Variants in LARP1 observed in about 807,000 individuals in gnomAD.
LARP1 encodes La ribonucleoprotein 1, translational regulator.
A neutral mutation model predicts 122.7 loss-of-function variants in LARP1; 36 were observed. The observed-to-expected ratio is 0.29, with a 90% confidence interval of 0.22 to 0.39. The LOEUF is 0.39. LARP1 is among the 10% of genes least tolerant of loss of function. The probability of loss-of-function intolerance (pLI) is 1.00; values close to 1 mark genes in which losing one functional copy is unlikely to be tolerated. For synonymous variants in LARP1, 539 were observed against 528.7 expected (o/e 1.02, Z -0.27); for missense variants, 1,040 against 1,403.6 (o/e 0.74, Z 4.14).
chr5:154,791,145 T>C (rs1010900803), intron 3 of LARP1, among the ~76,000 whole-genome samples: 1 of 149,604 alleles, frequency 6.7e-6, no homozygotes, highest in Non-Finnish European at 1.5e-5. Flanking sequence ...TTTTTTTTTT[T>C]TTTTTTTGAG....
In LARP1 at chr5:154,793,728, G is replaced by C. The variant is rs1482523133; in HGVS notation, c.868+5G>C. The C allele has an allele frequency of 2.5e-6, 4 of 1,614,044 alleles. No homozygotes were observed. The highest frequency in any genetic ancestry group is 3.4e-6 in the Non-Finnish European group (4 of 1,180,010). On this transcript the variant is annotated splice_donor_5th_base_variant and intron_variant, in intron 5 of 18. Coordinates refer to ENST00000518297, the MANE Select transcript of LARP1 (RefSeq NM_033551.3). The stretch of plus-strand genomic sequence containing the variant: ...CCAATCGCGGAGAGATCAAAGGTAT[G>C]CACTACCCACTATGGAGGGCCTGGA...
rs1643769842 is a variant in LARP1 at position 154,755,628 on chromosome 5, C to G, written c.-130C>G. On this transcript the variant is annotated 5_prime_UTR_variant, in exon 1 of 19. Transcript: ENST00000518297. ...AGGGGGCCGCACCTCGCGTGAACCC[C>G]GACCCTTCTCTGCAGGGACTGGGGC... 4.1e-6 allele frequency: 4 copies of G among 987,450 alleles called. No individual in the cohort carries two copies. The highest frequency in any genetic ancestry group is 4.8e-6 in the Non-Finnish European group (4 of 830,056). 61.2% of individuals were successfully genotyped at this position (987,450 alleles called of 1,614,324 possible).
chr5:154,781,576 AGAGT>A (rs558162304), intron 1 of LARP1, among the ~76,000 whole-genome samples: 104 of 152,160 alleles, frequency 6.8e-4, no homozygotes, highest in Admixed American at 9.8e-4. Context: ...CTGGGTGACA[AGAGT>A]GAGACTCCGT....
intron 13 of LARP1, 24 bp from the exon 14 acceptor site, chr5:154,804,177 C>G (rs1481248943): frequency 6.3e-7 from 1 of 1,587,358 alleles, no homozygotes; most frequent in Non-Finnish European, 8.7e-7. Context: ...CAAACAGTAA[C>G]AAACCCTGGG....
chr5:154,784,140 T>G (rs989870807), intron 1 of LARP1, among the ~76,000 whole-genome samples: 2 of 152,202 alleles, frequency 1.3e-5, no homozygotes, highest in African/African-American at 4.8e-5. Flanking sequence ...GAATTAGCAC[T>G]TGACAAGCAA....
At chr5:154,725,079 TA>T (rs1347826077) in intron 1 of LARP1, among the ~76,000 whole-genome samples, 1 of 151,834 alleles carries the variant, frequency 6.6e-6, no homozygotes, top group East Asian at 1.9e-4. Context: ...ACCTTGTCTC[TA>T]CAAAAAAACT....
chr5:154,729,334 T>G, intron 1 of LARP1: 1 of 225,318 alleles, frequency 4.4e-6, no homozygotes. Flanking sequence ...AGCTGTAAGA[T>G]GATATTGTAG....
In LARP1 at chr5:154,722,961, G is replaced by A. The variant is rs760272649; in HGVS notation, c.205+9831G>A. Among the ~76,000 whole-genome samples, 65 of 152,294 alleles carry A rather than the reference G, an allele frequency of 4.3e-4. 1 individual carries two copies. Among genetic ancestry groups the A allele is most frequent in the East Asian group, 7.7e-4 (4 of 5,188 alleles). ...CTCCCAGAGTGCTGGGATTACAGGC[G>A]TGAGCCAGCACACCCAGCCTCTTTC... is the stretch of plus-strand genomic sequence containing the variant. On this transcript the variant is annotated intron_variant, in intron 1 of 18. Coordinates refer to the LARP1 transcript ENST00000336314.
chr5:154,814,114 G>T lies in LARP1; in HGVS notation c.*18G>T. The T allele has an allele frequency of 6.2e-7, 1 of 1,613,254 alleles. No individual in the cohort carries two copies. The highest frequency in any genetic ancestry group is 8.5e-7 in the Non-Finnish European group (1 of 1,179,458). On this transcript the variant is annotated 3_prime_UTR_variant, in exon 19 of 19. Coordinates refer to ENST00000518297, the MANE Select transcript of LARP1 (RefSeq NM_033551.3). ...GAAAGTGAAAAGCTCCTTAGCCCTG[G>T]GGCTTGAGGGGGGAAAGGGGTAGGG...
rs553880236 is a variant in LARP1 at position 154,799,298 on chromosome 5, G to C, written c.1378-293G>C. Among the ~76,000 whole-genome samples, 25 of 152,262 alleles carry C rather than the reference G, an allele frequency of 1.6e-4. No individual in the cohort carries two copies. In the South Asian group the frequency reaches 5.2e-3, roughly 32 times the overall value. On this transcript the variant is annotated intron_variant, in intron 8 of 18. Coordinates refer to ENST00000518297, the MANE Select transcript of LARP1 (RefSeq NM_033551.3). ...TTTACTGTGAATGGCTTTTTGTCCA[G>C]ATATTATACATACTGCTCCCTGTTT...
At chr5:154,736,916 A>G (rs1416430368) in intron 1 of LARP1, among the ~76,000 whole-genome samples, 2 of 152,076 alleles carry the variant, frequency 1.3e-5, no homozygotes, top group East Asian at 3.9e-4. Context: ...TGGTGGCTGC[A>G]CCATTTTACA....
In LARP1 at chr5:154,719,878, AG is replaced by A. The variant is rs1209032872; in HGVS notation, c.205+6749del. ...CTCTGTCTCAAAAAAAAAAAAAAAA[AG>A]ATATAACTATGGTAATTTTAAAGTA... On this transcript the variant is annotated intron_variant, in intron 1 of 18. Coordinates refer to the LARP1 transcript ENST00000336314. 1.4e-3 allele frequency among the ~76,000 whole-genome samples: 188 copies of A among 134,332 alleles called. 3 individuals carry two copies. The East Asian group carries it at 0.035, about 25-fold the overall frequency. 88.1% of individuals were successfully genotyped at this position (134,332 alleles called of 152,430 possible). A position where few individuals can be genotyped will look rare whatever the true frequency, so the allele number is the denominator to read the frequency against.
chr5:154,772,747 G>T (rs188228611), intron 1 of LARP1, among the ~76,000 whole-genome samples: 45 of 152,268 alleles, frequency 3.0e-4, no homozygotes, highest in African/African-American at 1.1e-3. Context: ...GAGTGCAATG[G>T]CATGATCTCA....
chr5:154,774,338 A>G (rs1755685843), intron 1 of LARP1, among the ~76,000 whole-genome samples: 1 of 152,172 alleles, frequency 6.6e-6, no homozygotes, highest in African/African-American at 2.4e-5. Context: ...TTTGCACTGC[A>G]GGGAGTAGCA....
chr5:154,817,495 G>A lies in LARP1; in HGVS notation c.*3399G>A, dbSNP rs1759752402. On this transcript the variant is annotated 3_prime_UTR_variant, in exon 19 of 19. Transcript: ENST00000518297. ...GAGAGTATCTGCTTTCCAGGCTGAA[G>A]TGATTCATTCATTATTCTAGTCCTG... 6.5e-6 allele frequency: 1 copy of A among 152,682 alleles called. No homozygotes were observed. Among genetic ancestry groups the A allele is most frequent in the Admixed American group, 6.5e-5 (1 of 15,288 alleles). The allele number at this position is 152,682 out of a possible 1,614,324, so 9.5% of individuals were successfully genotyped here. A position where few individuals can be genotyped will look rare whatever the true frequency, so the allele number is the denominator to read the frequency against.
At chr5:154,727,407 G>A (rs971545173) in intron 1 of LARP1, among the ~76,000 whole-genome samples, 9 of 152,116 alleles carry the variant, frequency 5.9e-5, no homozygotes, top group South Asian at 2.1e-4. Flanking sequence ...ACAAGGGAAC[G>A]ATATGTTTAA....
intron 1 of LARP1, among the ~76,000 whole-genome samples, chr5:154,694,398 G>A (rs1459885986): frequency 6.7e-6 from 1 of 149,784 alleles, no homozygotes; most frequent in Non-Finnish European, 1.5e-5. Flanking sequence ...TGGGACTATA[G>A]GTGCAAGACA....
chr5:154,726,586 A>G (rs1756228372), intron 1 of LARP1, among the ~76,000 whole-genome samples: 1 of 152,242 alleles, frequency 6.6e-6, no homozygotes, highest in African/African-American at 2.4e-5. Context: ...CGGAGTATCA[A>G]ATGAAAATTT....
intron 1 of LARP1, among the ~76,000 whole-genome samples, chr5:154,775,001 C>T (rs117775385): frequency 6.6e-6 from 1 of 152,022 alleles, no homozygotes; most frequent in East Asian, 1.9e-4. Flanking sequence ...GTCGGTGCTG[C>T]CAGGGGGAGA....
Sources: allele counts gnomAD v4.1 joint callset (sites outside exome capture counted in the v4.1 genomes callset), GRCh38; gene constraint gnomAD v4.1.1; transcripts MANE v1.5; gene names NCBI Gene and HGNC (gene_info 2026-07-23, HGNC 2026-07-21).